DPYD: variants seen among roughly 807,000 people sequenced by gnomAD.
The protein encoded by DPYD is dihydropyrimidine dehydrogenase [NADP(+)].
A neutral mutation model predicts 116.2 loss-of-function variants in DPYD; 109 were observed. That is an observed-to-expected ratio of 0.94 (90% confidence interval 0.80 to 1.10). The LOEUF (loss-of-function observed/expected upper bound fraction) is 1.10. Ranked by LOEUF, DPYD falls within the 50% of genes least tolerant of loss-of-function variation. The pLI, the probability that DPYD is intolerant of heterozygous loss-of-function variation, is 0.00. For missense variants in DPYD, 1,302 were observed against 1,254.5 expected (o/e 1.04, Z -0.57); for synonymous variants, 440 against 432.0 (o/e 1.02, Z -0.23).
chr1:97,723,454 C>T (rs1443945961), intron 4 of DPYD, among the ~76,000 whole-genome samples: 1 of 151,438 alleles, frequency 6.6e-6, no homozygotes, highest in Non-Finnish European at 1.5e-5. Flanking sequence ...TGTAAACACA[C>T]ACACACACAT....
intron 16 of DPYD, among the ~76,000 whole-genome samples, chr1:97,353,588 C>A (rs1042787688): frequency 6.6e-6 from 1 of 150,546 alleles, no homozygotes; most frequent in Non-Finnish European, 1.5e-5. Flanking sequence ...TAAAATCTGA[C>A]TTGGACAATT....
chr1:97,465,066 G>C lies in DPYD; in HGVS notation c.1741-14843C>G, dbSNP rs186186234. Among the ~76,000 whole-genome samples the C allele has an allele frequency of 1.9e-4, 29 of 152,330 alleles. No individual in the cohort carries two copies. In the East Asian group the frequency reaches 4.1e-3, roughly 21 times the overall value. The stretch of plus-strand genomic sequence containing the variant: ...CCACCTCTTGCATCAGCATGACCTG[G>C]ATGTCGGACATGCAGTCAAAGGAGA... On this transcript the variant is annotated intron_variant, in intron 13 of 22. Coordinates refer to ENST00000370192, the MANE Select transcript of DPYD (RefSeq NM_000110.4).
intron 5 of DPYD, among the ~76,000 whole-genome samples, chr1:97,699,916 A>G (rs1376436133): frequency 6.6e-6 from 1 of 152,102 alleles, no homozygotes; most frequent in African/African-American, 2.4e-5. Flanking sequence ...AGTTCCCTGA[A>G]TCAGAAAACA....
chr1:97,576,385 G>T (rs1181690962), intron 10 of DPYD, among the ~76,000 whole-genome samples: 4 of 152,114 alleles, frequency 2.6e-5, no homozygotes, highest in Non-Finnish European at 4.4e-5. Context: ...TACCTATTGG[G>T]AATATGTCTT....
chr1:97,846,165 T>C (rs968953634), intron 2 of DPYD, among the ~76,000 whole-genome samples: 4 of 152,084 alleles, frequency 2.6e-5, no homozygotes, highest in South Asian at 2.1e-4. Context: ...AACACAGAGG[T>C]TTCCGGCTGG....
intron 13 of DPYD, among the ~76,000 whole-genome samples, chr1:97,514,799 G>A (rs924214937): frequency 1.3e-5 from 2 of 151,506 alleles, no homozygotes; most frequent in Non-Finnish European, 2.9e-5. Flanking sequence ...GAGTAAGACA[G>A]CCTTAATGTT....
At chr1:97,539,341 C>G (rs1650257149) in intron 12 of DPYD, among the ~76,000 whole-genome samples, 1 of 151,874 alleles carries the variant, frequency 6.6e-6, no homozygotes, top group Admixed American at 6.6e-5. Context: ...GGAATGAATC[C>G]CACTTGGAAG....
At chr1:97,898,376 C>T (rs1305897415) in intron 1 of DPYD, among the ~76,000 whole-genome samples, 2 of 151,814 alleles carry the variant, frequency 1.3e-5, no homozygotes, top group African/African-American at 2.4e-5. Flanking sequence ...AGACTTTCAG[C>T]TCTGTCTCTC....
intron 1 of DPYD, among the ~76,000 whole-genome samples, chr1:97,912,226 A>G (rs1220553442): frequency 6.6e-6 from 1 of 151,922 alleles, no homozygotes; most frequent in Non-Finnish European, 1.5e-5. Context: ...AATGCACTAT[A>G]TATCATTGAG....
chr1:97,580,754 C>G (rs1653594840), intron 10 of DPYD, among the ~76,000 whole-genome samples: 1 of 152,288 alleles, frequency 6.6e-6, no homozygotes, highest in East Asian at 1.9e-4. Flanking sequence ...TCATCCTCCA[C>G]TATGACCCAG....
At chr1:97,387,328 T>C (rs577496081) in intron 14 of DPYD, among the ~76,000 whole-genome samples, 2 of 152,218 alleles carry the variant, frequency 1.3e-5, no homozygotes, top group African/African-American at 2.4e-5. Context: ...CTTGAGACAT[T>C]GACTTAGCAT....
chr1:97,758,082 A>G (rs1242807561), intron 3 of DPYD, among the ~76,000 whole-genome samples: 1 of 152,164 alleles, frequency 6.6e-6, no homozygotes, highest in Non-Finnish European at 1.5e-5. Context: ...ATACCTATAA[A>G]TAAACTCTTG....
At chr1:97,389,839 A>G (rs1672585754) in intron 14 of DPYD, among the ~76,000 whole-genome samples, 1 of 148,404 alleles carries the variant, frequency 6.7e-6, no homozygotes, top group Non-Finnish European at 1.5e-5. Context: ...CAAAGGTGAA[A>G]AACAATGTGC....
intron 3 of DPYD, among the ~76,000 whole-genome samples, chr1:97,796,496 C>T (rs1030481049): frequency 3.9e-5 from 6 of 152,020 alleles, no homozygotes; most frequent in African/African-American, 1.4e-4. Context: ...TAATTATGCC[C>T]ATGAGTTACA....
At chr1:97,114,361 A>G (rs776453968) in intron 20 of DPYD, among the ~76,000 whole-genome samples, 3 of 152,166 alleles carry the variant, frequency 2.0e-5, no homozygotes, top group Non-Finnish European at 2.9e-5. Context: ...GTTAAAGACT[A>G]TGTACATTAT....
In DPYD at chr1:97,305,292, TC is replaced by T; in HGVS notation, c.2265del (p.Ile756LeufsTer20). The T allele has an allele frequency of 6.2e-7, 1 of 1,612,414 alleles. No homozygotes were observed. Among genetic ancestry groups the T allele is most frequent in the African/African-American group, 1.3e-5 (1 of 74,884 alleles). On this transcript the variant is annotated frameshift_variant, in exon 18 of 23. Transcript: ENST00000370192. LOFTEE classifies it high-confidence loss of function. The part of the protein sequence containing the change: ...KSDGTPWPAV[G>X]IAKRTTYGGV... ...CCTCCATATGTAGTTCGCTTTGCAA[TC>T]CCCACTGCTGGCCAAGGTGTGCCAT...
intron 13 of DPYD, among the ~76,000 whole-genome samples, chr1:97,509,174 CAA>C (rs753691016): frequency 6.6e-6 from 1 of 151,996 alleles, no homozygotes; most frequent in Non-Finnish European, 1.5e-5. Flanking sequence ...ACTGTCGAAA[CAA>C]GAGCAGAAAA....
At chr1:97,148,137 G>T (rs888093063) in intron 20 of DPYD, among the ~76,000 whole-genome samples, 1 of 152,010 alleles carries the variant, frequency 6.6e-6, no homozygotes, top group African/African-American at 2.4e-5. Flanking sequence ...AAGCTGTCAT[G>T]CATGACAAGA....
intron 20 of DPYD, among the ~76,000 whole-genome samples, chr1:97,127,572 G>A (rs1309835490): frequency 6.6e-6 from 1 of 152,026 alleles, no homozygotes; most frequent in Non-Finnish European, 1.5e-5. Context: ...CCAACTTGAA[G>A]GTTGCTAGAA....
Sources: allele counts gnomAD v4.1 joint callset (sites outside exome capture counted in the v4.1 genomes callset), GRCh38; gene constraint gnomAD v4.1.1; transcripts MANE v1.5; gene names NCBI Gene and HGNC (gene_info 2026-07-23, HGNC 2026-07-21).